Variants in BRPF1 observed in about 807,000 individuals in gnomAD.
The protein encoded by BRPF1 is bromodomain and PHD finger containing 1, also known as peregrin.
In BRPF1, 15 loss-of-function variants were observed where a neutral mutation model predicts 115.0. The ratio of observed to expected loss-of-function variants is 0.13; its 90% CI spans 0.09 to 0.20. BRPF1 has a LOEUF of 0.20. Ranked by LOEUF, BRPF1 falls within the 10% of genes least tolerant of loss-of-function variation. The probability of loss-of-function intolerance (pLI) is 1.00; values close to 1 mark genes in which losing one functional copy is unlikely to be tolerated. For synonymous variants in BRPF1, 647 were observed against 619.8 expected (o/e 1.04, Z -0.65); for missense variants, 1,118 against 1,638.3 (o/e 0.68, Z 5.48).
intron 1 of BRPF1, chr3:9,732,367 C>T (rs1559652358): frequency 6.6e-6 from 1 of 152,256 alleles, no homozygotes; most frequent in African/African-American, 2.4e-5. Flanking sequence ...TACACTTCCA[C>T]AAAGGGGAAA....
Position 9,743,853 on chromosome 3 carries a change from C to G in BRPF1, c.2587C>G (p.Gln863Glu). 1 of 1,603,916 alleles carries G rather than the reference C, an allele frequency of 6.2e-7. No individual in the cohort carries two copies. Among genetic ancestry groups the G allele is most frequent in the Non-Finnish European group, 8.5e-7 (1 of 1,172,490 alleles). Residue 863 changes from glutamine to glutamate, a missense_variant, in exon 8 of 14, where the codon CAG becomes GAG. Physicochemically the swap from Gln to Glu is conservative, Grantham distance 29. Coordinates refer to ENST00000383829, the MANE Select transcript of BRPF1 (RefSeq NM_001003694.2). This position sits in a 1 kb window ranked among gnomAD's most constrained non-coding sequence, Gnocchi z 6.1. ...PHPAACDKDG[Q>E]TDSAAEESSS... ...CCCGGCAGCCTGTGACAAGGATGGGCAGACAGATAGTGCGGCAGAGGAGAG... is the reference window on the plus strand; with the variant it reads ...CCCGGCAGCCTGTGACAAGGATGGGGAGACAGATAGTGCGGCAGAGGAGAG...
intron 6 of BRPF1, chr3:9,742,497 C>T: frequency 1.0e-6 from 1 of 985,444 alleles, no homozygotes; most frequent in Non-Finnish European, 1.2e-6. Flanking sequence ...AAAGAACCAG[C>T]TCTGAAGCCC....
chr3:9,736,366 T>A (rs1196535488), intron 2 of BRPF1, among the ~76,000 whole-genome samples: 1 of 152,214 alleles, frequency 6.6e-6, no homozygotes, highest in Non-Finnish European at 1.5e-5. Flanking sequence ...AGCACTTTCT[T>A]CTCTCCACTG....
intron 2 of BRPF1, among the ~76,000 whole-genome samples, chr3:9,737,210 A>G (rs1575151982): frequency 6.6e-6 from 1 of 152,210 alleles, no homozygotes; most frequent in African/African-American, 2.4e-5. Flanking sequence ...TGCCTTTCAA[A>G]TGAACAGTGA....
At position 9,747,602 on chromosome 3, in the gene BRPF1, A is replaced by G. The variant is rs924588032; in HGVS notation, c.*253A>G. On this transcript the variant is annotated 3_prime_UTR_variant, in exon 14 of 14. Transcript: ENST00000383829. This position sits in a 1 kb window ranked among gnomAD's most constrained non-coding sequence, Gnocchi z 5.6. ...TCAGAAAAAGCTCCAGAGACCTCACAGCATTGTAGGGCGGGGTGGTGGGCC... is the reference window on the plus strand; with the variant it reads ...TCAGAAAAAGCTCCAGAGACCTCACGGCATTGTAGGGCGGGGTGGTGGGCC... The G allele has an allele frequency of 2.4e-6, 1 of 414,300 alleles. No individual in the cohort carries two copies. Among genetic ancestry groups the G allele is most frequent in the Non-Finnish European group, 4.4e-6 (1 of 228,090 alleles). 25.7% of individuals were successfully genotyped at this position (414,300 alleles called of 1,614,324 possible).
rs2077075623 is a variant in BRPF1 at position 9,743,860 on chromosome 3, A to G, written c.2594A>G (p.Asp865Gly). ...PAACDKDGQT[D>G]SAAEESSSQE... is the part of the protein sequence containing the mutation. Reference sequence around the variant, plus strand: ...GCCTGTGACAAGGATGGGCAGACAGATAGTGCGGCAGAGGAGAGCAGCAGC... The same window carrying G: ...GCCTGTGACAAGGATGGGCAGACAGGTAGTGCGGCAGAGGAGAGCAGCAGC... Residue 865 changes from aspartate (D) to glycine (G), a missense_variant, in exon 8 of 14, where the codon GAT (aspartate) becomes GGT (glycine). Coordinates refer to ENST00000383829, the MANE Select transcript of BRPF1 (RefSeq NM_001003694.2). The surrounding 1 kb of genome is among the most constrained non-coding windows in gnomAD (Gnocchi z 6.1). 6.2e-7 allele frequency: 1 copy of G among 1,600,790 alleles called. No homozygotes were observed. The highest frequency in any genetic ancestry group is 8.5e-7 in the Non-Finnish European group (1 of 1,170,558).
intron 5 of BRPF1, 129 bp downstream of exon 5, chr3:9,741,568 A>G (rs2077030901): frequency 1.2e-6 from 1 of 810,922 alleles, no homozygotes; most frequent in East Asian, 6.0e-5. Context: ...ACCTGGGAGG[A>G]GGGGTTTGCA....
rs2077147095 is a variant in BRPF1 at position 9,747,409 on chromosome 3, C to T, written c.*60C>T. ...TGACTTCTCTCCTCCCCTTTGCTCA[C>T]TGTCCTGGAGTGGCACCGGCCTCTG... is the stretch of plus-strand genomic sequence containing the variant. On this transcript the variant is annotated 3_prime_UTR_variant, in exon 14 of 14. Coordinates refer to ENST00000383829, the MANE Select transcript of BRPF1 (RefSeq NM_001003694.2). The surrounding 1 kb of genome is among the most constrained non-coding windows in gnomAD (Gnocchi z 5.6). The T allele has an allele frequency of 8.8e-6, 14 of 1,583,018 alleles. No individual in the cohort carries two copies. The highest frequency in any genetic ancestry group is 1.7e-5 in the Admixed American group (1 of 59,228).
intron 3 of BRPF1, among the ~76,000 whole-genome samples, chr3:9,740,394 C>T (rs140746986): frequency 1.3e-5 from 2 of 152,202 alleles, no homozygotes; most frequent in African/African-American, 4.8e-5. Flanking sequence ...TCTCTTGTGC[C>T]GTTTATTTGA....
intron 2 of BRPF1, among the ~76,000 whole-genome samples, chr3:9,737,267 A>G (rs184230295): frequency 6.6e-6 from 1 of 152,338 alleles, no homozygotes; most frequent in Admixed American, 6.5e-5. Context: ...CCCCACTTCT[A>G]TCGTGTAGTG....
Position 9,734,300 on chromosome 3 carries a change from C to CA in BRPF1, c.162dup (p.Gln55ThrfsTer34). On this transcript the variant is annotated frameshift_variant, in exon 2 of 14. Transcript: ENST00000383829. LOFTEE classifies it high-confidence loss of function. The surrounding 1 kb of genome is among the most constrained non-coding windows in gnomAD (Gnocchi z 5.7). ...TGACCACGACAACCCACCACCCCCA[C>CA]AACAAACTCCACTCCGCAAGCACAA... The CA allele has an allele frequency of 6.2e-7, 1 of 1,614,122 alleles. No individual in the cohort carries two copies. Among genetic ancestry groups the CA allele is most frequent in the Non-Finnish European group, 8.5e-7 (1 of 1,180,026 alleles).
At position 9,745,123 on chromosome 3, in the gene BRPF1, T is replaced by C. The variant is rs2077100798; in HGVS notation, c.3036T>C (p.Ser1012=). 1.9e-6 allele frequency: 3 copies of C among 1,614,094 alleles called. No individual in the cohort carries two copies. Among genetic ancestry groups the C allele is most frequent in the Non-Finnish European group, 2.5e-6 (3 of 1,180,040 alleles). ...RSSSDSESSS[S]SSSSAASDRT... ...GCTCAGACTCTGAGTCCAGCAGCAG[T>C]AGCAGTAGCAGCGCTGCTTCAGACC... Residue 1012 remains serine, a synonymous_variant, in exon 10 of 14, where the codon AGT becomes AGC. Transcript: ENST00000383829. The surrounding 1 kb of genome is among the most constrained non-coding windows in gnomAD (Gnocchi z 5.1).
At position 9,747,434 on chromosome 3, in the gene BRPF1, G is replaced by A; in HGVS notation, c.*85G>A. On this transcript the variant is annotated 3_prime_UTR_variant, in exon 14 of 14. Transcript: ENST00000383829. The surrounding 1 kb of genome is among the most constrained non-coding windows in gnomAD (Gnocchi z 5.6). ...CTGTCCTGGAGTGGCACCGGCCTCT[G>A]CACTGACTCATTTCTGGTCTTGGGG... The A allele has an allele frequency of 1.3e-6, 2 of 1,507,708 alleles. No individual in the cohort carries two copies. Among genetic ancestry groups the A allele is most frequent in the East Asian group, 2.3e-5 (1 of 43,804 alleles). 93.4% of individuals were successfully genotyped at this position (1,507,708 alleles called of 1,614,324 possible). A position where few individuals can be genotyped will look rare whatever the true frequency, so the allele number is the denominator to read the frequency against.
intron 5 of BRPF1, among the ~76,000 whole-genome samples, chr3:9,741,648 A>T (rs2077033163): frequency 6.6e-6 from 1 of 151,930 alleles, no homozygotes; most frequent in African/African-American, 2.4e-5. Context: ...AAAAAAAAAA[A>T]AAAAAAAAGA....
In BRPF1 at chr3:9,739,737, C is replaced by G; in HGVS notation, c.1338C>G (p.Ile446Met). The change falls in exon 3 of 14, where the codon ATC becomes ATG. Residue 446 changes from isoleucine to methionine, a missense_variant. Ile to Met is a conservative substitution (Grantham distance 10). This residue lies in a region of BRPF1 where 87 missense variants were observed against 93.4 expected (regional missense o/e 0.93). Coordinates refer to ENST00000383829, the MANE Select transcript of BRPF1 (RefSeq NM_001003694.2). ...TCCGCAAGACAGCCTACTGCGACAT[C>G]CACACGCCTCCAGGTTCAGCACGCC... ...FSVRKTAYCD[I>M]HTPPGSARRL... 1 of 1,614,202 alleles carries G rather than the reference C, an allele frequency of 6.2e-7. No homozygotes were observed.
In BRPF1 at chr3:9,739,164, G is replaced by A. The variant is rs760010418; in HGVS notation, c.765G>A (p.Glu255=). 1 of 1,614,048 alleles carries A rather than the reference G, an allele frequency of 6.2e-7. No homozygotes were observed. The highest frequency in any genetic ancestry group is 8.5e-7 in the Non-Finnish European group (1 of 1,179,948). ...FEYLMDRLEK[E]SYFESHNKGD... is the part of the protein sequence containing the mutation. ...ACCTAATGGACCGACTGGAGAAGGA[G>A]TCGTACTTTGAGAGTCATAATAAAG... Residue 255 remains glutamate (E), a synonymous_variant, in exon 3 of 14, where the codon GAG becomes GAA. Coordinates refer to ENST00000383829, the MANE Select transcript of BRPF1 (RefSeq NM_001003694.2).
At position 9,743,795 on chromosome 3, in the gene BRPF1, T is replaced by C. The variant is rs2077073890; in HGVS notation, c.2529T>C (p.His843=). 2 of 1,613,494 alleles carry C rather than the reference T, an allele frequency of 1.2e-6. No homozygotes were observed. The highest frequency in any genetic ancestry group is 8.5e-7 in the Non-Finnish European group (1 of 1,179,634). Residue 843 remains histidine, a synonymous_variant, in exon 8 of 14, where the codon CAT becomes CAC. Coordinates refer to ENST00000383829, the MANE Select transcript of BRPF1 (RefSeq NM_001003694.2). The surrounding 1 kb of genome is among the most constrained non-coding windows in gnomAD (Gnocchi z 6.1). ...CGGGACGTGATGGCCCTGAGCGGCA[T>C]GGCCCCTCGAGCCGGGGTAGTCTGA... The part of the protein sequence containing the change: ...RETGRDGPER[H]GPSSRGSLTP...
At chr3:9,744,870 A>G in intron 9 of BRPF1, 138 bp from the exon 10 acceptor site, 1 of 1,155,336 alleles carries the variant, frequency 8.7e-7, no homozygotes, top group Non-Finnish European at 1.3e-6. Flanking sequence ...GCCCAGAGCT[A>G]GCTCTGCTGG....
intron 2 of BRPF1, among the ~76,000 whole-genome samples, chr3:9,736,615 C>T (rs2076946163): frequency 6.6e-6 from 1 of 152,198 alleles, no homozygotes; most frequent in South Asian, 2.1e-4. Context: ...TGCTTTTCTT[C>T]CTCCCTCCAC....
Sources: allele counts gnomAD v4.1 joint callset (sites outside exome capture counted in the v4.1 genomes callset), GRCh38; gene constraint gnomAD v4.1.1; regional missense constraint gnomAD v4.1.1; non-coding constraint Gnocchi (gnomAD v3.1); transcripts MANE v1.5; gene names NCBI Gene and HGNC (gene_info 2026-07-23, HGNC 2026-07-21).